SLC9A9: variants seen among roughly 807,000 people sequenced by gnomAD.
SLC9A9 encodes the protein sodium/hydrogen exchanger 9.
A neutral mutation model predicts 77.8 loss-of-function variants in SLC9A9; 62 were observed. That is an observed-to-expected ratio of 0.80 (90% CI 0.65 to 0.98). SLC9A9 has a LOEUF of 0.98. SLC9A9 is among the 50% of genes least tolerant of loss of function. The probability of loss-of-function intolerance (pLI) is 0.00; values close to 1 mark genes in which losing one functional copy is unlikely to be tolerated. For missense variants in SLC9A9, 775 were observed against 774.9 expected, an observed-to-expected ratio of 1.00 and a Z score of 0.00; for synonymous variants, 320 against 283.5, an observed-to-expected ratio of 1.13 and a Z score of -1.29.
chr3:143,746,836 T>C (rs879065900), intron 4 of SLC9A9, among the ~76,000 whole-genome samples: 6 of 152,302 alleles, frequency 3.9e-5, no homozygotes, highest in South Asian at 2.1e-4. Context: ...TCCTTAAACA[T>C]AGAAAAAGGT....
rs549875291 is a variant in SLC9A9, at chr3:143,303,283, A to G, written c.1605-34303T>C. On this transcript the variant is annotated intron_variant, in intron 14 of 15. Coordinates refer to ENST00000316549, the MANE Select transcript of SLC9A9 (RefSeq NM_173653.4). ...GGTGTGTAGAGGAGTGTTCAGGGAA[A>G]GTTTCAAATAGAAAGTGATATCTGA... Among the ~76,000 whole-genome samples the G allele has an allele frequency of 4.6e-5, 7 of 152,234 alleles. No homozygotes were observed. The East Asian group carries it at 1.2e-3, about 25-fold the overall frequency.
chr3:143,726,052 T>G (rs1241828782), intron 4 of SLC9A9, among the ~76,000 whole-genome samples: 2 of 151,954 alleles, frequency 1.3e-5, no homozygotes, highest in Non-Finnish European at 2.9e-5. Flanking sequence ...TACTGTATAA[T>G]TTTTACAGTT....
chr3:143,518,244 G>A (rs1397584803), intron 9 of SLC9A9: 44 of 1,584,262 alleles, frequency 2.8e-5, no homozygotes, highest in Non-Finnish European at 3.5e-5. Flanking sequence ...GGGAGGTGGT[G>A]GGCGAAGCTC....
intron 13 of SLC9A9, among the ~76,000 whole-genome samples, chr3:143,378,954 G>C (rs76193280): frequency 2.0e-5 from 3 of 152,162 alleles, no homozygotes; most frequent in Non-Finnish European, 4.4e-5. Context: ...ACAGCTACAA[G>C]TTCACATTCC....
intron 5 of SLC9A9, among the ~76,000 whole-genome samples, chr3:143,679,841 G>A (rs1342981519): frequency 6.6e-6 from 1 of 151,942 alleles, no homozygotes; most frequent in African/African-American, 2.4e-5. Context: ...TTTTCAATAA[G>A]TATACTAAAT....
intron 8 of SLC9A9, among the ~76,000 whole-genome samples, chr3:143,562,101 T>C (rs1369543712): frequency 2.0e-5 from 3 of 152,234 alleles, no homozygotes; most frequent in Admixed American, 1.3e-4. Context: ...TGAGATCCTA[T>C]ACTGAGCAAA....
chr3:143,488,173 A>G (rs1289668474), intron 11 of SLC9A9, among the ~76,000 whole-genome samples: 1 of 151,940 alleles, frequency 6.6e-6, no homozygotes, highest in East Asian at 1.9e-4. Flanking sequence ...ACCTTCCTAG[A>G]AATACAAAGC....
chr3:143,796,920 A>G lies in SLC9A9; in HGVS notation c.379-17T>C. The stretch of plus-strand genomic sequence containing the variant: ...AAATGTCATCTGCCAGAAAGGAAAA[A>G]AAGGATAGTTAGAATGATGCTCCTT... On this transcript the variant is annotated splice_polypyrimidine_tract_variant and intron_variant, in intron 2 of 15. Transcript: ENST00000316549. 1 of 1,599,834 alleles carries G rather than the reference A, an allele frequency of 6.3e-7. No individual in the cohort carries two copies. Among genetic ancestry groups the G allele is most frequent in the Non-Finnish European group, 8.6e-7 (1 of 1,167,904 alleles).
intron 9 of SLC9A9, among the ~76,000 whole-genome samples, chr3:143,541,818 A>AAACAGATTTGTGGGTGAGAGAGTAG (rs2036695246): frequency 6.6e-6 from 1 of 152,362 alleles, no homozygotes; most frequent in Non-Finnish European, 1.5e-5. Context: ...ATGCTATGAT[A>AAACAGATTTGTGGGTGAGAGAGTAG]AACAGATTTG....
At chr3:143,527,302 T>C (rs987869442) in intron 9 of SLC9A9, among the ~76,000 whole-genome samples, 17 of 152,244 alleles carry the variant, frequency 1.1e-4, no homozygotes, top group African/African-American at 3.4e-4. Context: ...TCAGTCATAT[T>C]GAAGCACAGT....
At chr3:143,818,659 G>A (rs1270208472) in intron 2 of SLC9A9, among the ~76,000 whole-genome samples, 3 of 151,756 alleles carry the variant, frequency 2.0e-5, no homozygotes, top group Admixed American at 2.0e-4. Context: ...ACAGAATCAG[G>A]CAGGTGAGCA....
intron 2 of SLC9A9, among the ~76,000 whole-genome samples, chr3:143,823,326 G>A (rs1344800248): frequency 6.6e-6 from 1 of 152,158 alleles, no homozygotes; most frequent in Non-Finnish European, 1.5e-5. Context: ...AATGTCAGGT[G>A]GAGCTATGAG....
intron 6 of SLC9A9, among the ~76,000 whole-genome samples, chr3:143,612,579 T>C (rs1255000106): frequency 6.6e-6 from 1 of 152,226 alleles, no homozygotes; most frequent in African/African-American, 2.4e-5. Context: ...CTGAAGTGAT[T>C]TCAAGTTTCT....
At position 143,832,162 on chromosome 3, in the gene SLC9A9, T is replaced by C. The variant is rs772394638; in HGVS notation, c.235A>G (p.Thr79Ala). Residue 79 changes from threonine to alanine, a missense_variant, in exon 2 of 16, where the codon ACT (threonine) becomes GCT (alanine). Transcript: ENST00000316549. Reference protein sequence around the residue: ...ATAPTDIESGTVYDCVKLTFS... With the variant: ...ATAPTDIESGAVYDCVKLTFS... ...GTTAGTTTTACACAGTCATAGACAG[T>C]TCCACTTTCAATATCAGTTGGTGCT... 2 of 1,613,076 alleles carry C rather than the reference T, an allele frequency of 1.2e-6. No homozygotes were observed. Among genetic ancestry groups the C allele is most frequent in the African/African-American group, 1.3e-5 (1 of 74,852 alleles).
At chr3:143,478,705 C>T (rs73867663) in intron 11 of SLC9A9, among the ~76,000 whole-genome samples, 1 of 152,302 alleles carries the variant, frequency 6.6e-6, no homozygotes, top group African/African-American at 2.4e-5. Context: ...TTCTTTTGAA[C>T]TCTATCCACA....
At chr3:143,662,505 C>T (rs60896140) in intron 5 of SLC9A9, among the ~76,000 whole-genome samples, 265 of 152,300 alleles carry the variant, frequency 1.7e-3, no homozygotes, top group African/African-American at 6.0e-3. Context: ...CGGGGCATCA[C>T]CTCACCCGAG....
At chr3:143,749,737 G>A (rs891321329) in intron 4 of SLC9A9, among the ~76,000 whole-genome samples, 16 of 152,126 alleles carry the variant, frequency 1.1e-4, no homozygotes, top group African/African-American at 3.6e-4. Flanking sequence ...AGTTTAAATT[G>A]CCCTTGAAAT....
chr3:143,638,688 G>T (rs2038569743), intron 6 of SLC9A9, among the ~76,000 whole-genome samples: 1 of 152,222 alleles, frequency 6.6e-6, no homozygotes, highest in Admixed American at 6.5e-5. Context: ...TTCAAAGACA[G>T]TTCATTTATC....
At chr3:143,615,950 G>A (rs202095095) in intron 6 of SLC9A9, among the ~76,000 whole-genome samples, 1 of 150,088 alleles carries the variant, frequency 6.7e-6, no homozygotes, top group Non-Finnish European at 1.5e-5. Context: ...GCACAATCTC[G>A]GCTCACTGCA....
Sources: gnomAD v4.1 joint callset for allele counts (sites outside exome capture counted in the v4.1 genomes callset) on GRCh38, gnomAD v4.1.1 for gene constraint, MANE v1.5 for transcripts, NCBI Gene and HGNC (gene_info 2026-07-23, HGNC 2026-07-21) for gene names.